The following GALNS variants were observed in gnomAD, a reference collection of about 807,000 sequenced individuals.
GALNS encodes the protein N-acetylgalactosamine-6-sulfatase.
A neutral mutation model predicts 65.9 loss-of-function variants in GALNS; 65 were observed. The observed-to-expected ratio is 0.99, with a 90% confidence interval of 0.81 to 1.21. The LOEUF (loss-of-function observed/expected upper bound fraction) is 1.21. Among genes scored for constraint, GALNS ranks in the 50% most tolerant of loss-of-function variants. The pLI, the probability that GALNS is intolerant of heterozygous loss-of-function variation, is 0.00. For synonymous variants in GALNS, 346 were observed against 288.9 expected, an observed-to-expected ratio of 1.20 and a Z score of -2.00; for missense variants, 776 against 700.7, an observed-to-expected ratio of 1.11 and a Z score of -1.21.
rs769096726 is a variant in GALNS, at chr16:88,832,005, G to T, written c.995C>A (p.Ala332Glu). 6.2e-7 allele frequency: 1 copy of T among 1,613,052 alleles called. No homozygotes were observed. Among genetic ancestry groups the T allele is most frequent in the Non-Finnish European group, 8.5e-7 (1 of 1,179,596 alleles). The change falls in exon 9 of 14, where the codon GCA becomes GAA. Residue 332 changes from alanine to glutamate, a missense_variant. By Grantham distance (107) the Ala-to-Glu change is moderately radical. Transcript: ENST00000268695. Reference sequence around the variant, plus strand: ...CGGTGGACGCTGACTCACCTGGCCTGCAGTGACGTGCCCTGGCCACCATGC... The same window carrying T: ...CGGTGGACGCTGACTCACCTGGCCTTCAGTGACGTGCCCTGGCCACCATGC... ...ALAWWPGHVT[A>E]GQVSHQLGSI...
intron 12 of GALNS, among the ~76,000 whole-genome samples, chr16:88,821,053 C>T (rs1225070470): frequency 6.6e-6 from 1 of 152,196 alleles, no homozygotes; most frequent in Non-Finnish European, 1.5e-5. Flanking sequence ...TCACGGGTCT[C>T]ACCCCCATGG....
Position 88,839,337 on chromosome 16 carries a change from C to T in GALNS, c.423-1572G>A, listed in dbSNP as rs145841615. ...GCCACAGGGGACACTCGTGCTTCCACGTCCGCAGCACAAAGGCCTTGCTCA... is the reference window on the plus strand; with the variant it reads ...GCCACAGGGGACACTCGTGCTTCCATGTCCGCAGCACAAAGGCCTTGCTCA... On this transcript the variant is annotated intron_variant, in intron 4 of 13. Transcript: ENST00000268695. 5.8e-3 allele frequency among the ~76,000 whole-genome samples: 879 copies of T among 152,306 alleles called. 9 individuals carry two copies. The highest frequency in any genetic ancestry group is 0.02 in the African/African-American group (821 of 41,522).
intron 13 of GALNS, chr16:88,815,086 TG>T (rs1370515081): frequency 1.0e-6 from 1 of 985,340 alleles, no homozygotes; most frequent in African/African-American, 1.7e-5. Context: ...CCCAACCAAT[TG>T]GCCTCAGTGT....
intron 1 of GALNS, among the ~76,000 whole-genome samples, chr16:88,847,671 C>G (rs955077174): frequency 2.0e-5 from 3 of 152,242 alleles, no homozygotes; most frequent in African/African-American, 7.2e-5. Flanking sequence ...GGACTAGAGT[C>G]TGATCGCTGA....
chr16:88,841,121 C>T (rs1395365495), intron 3 of GALNS, 27 bp from the exon 4 acceptor site: 18 of 1,583,062 alleles, frequency 1.1e-5, no homozygotes, highest in African/African-American at 5.4e-5. Context: ...GGGTGAGCCC[C>T]GAGGAGACCC....
At position 88,841,947 on chromosome 16, in the gene GALNS, C is replaced by T. The variant is rs754731091; in HGVS notation, c.269G>A (p.Arg90Gln). The change falls in exon 3 of 14, where the codon CGG becomes CAG. Residue 90 changes from arginine (R) to glutamine (Q), a missense_variant. By Grantham distance (43) the Arg-to-Gln change is conservative. Coordinates refer to ENST00000268695, the MANE Select transcript of GALNS (RefSeq NM_000512.5). ...GTAGAAGCCATTGCGGATGGGTAGC[C>T]GTCCTGTGAGCAGTGCCGCCCTCGC... ...SPSRAALLTG[R>Q]LPIRNGFYTT... is the part of the protein sequence containing the mutation. 1.1e-5 allele frequency: 18 copies of T among 1,613,334 alleles called. No individual in the cohort carries two copies. The highest frequency in any genetic ancestry group is 4.0e-5 in the African/African-American group (3 of 74,918).
intron 2 of GALNS, chr16:88,842,498 CT>C: frequency 1.6e-6 from 1 of 642,552 alleles, no homozygotes; most frequent in East Asian, 2.8e-5. Context: ...AACTTCGACC[CT>C]GAAAACCCAG....
chr16:88,833,390 A>G (rs1371485814), intron 8 of GALNS, among the ~76,000 whole-genome samples: 3 of 151,468 alleles, frequency 2.0e-5, no homozygotes, highest in Admixed American at 6.6e-5. Context: ...TCAGGCTCAC[A>G]GGAGGCCATG....
rs1377186614 is a variant in GALNS at position 88,842,808 on chromosome 16, C to T, written c.142G>A (p.Val48Met). 6.2e-7 allele frequency: 1 copy of T among 1,613,424 alleles called. No homozygotes were observed. Among genetic ancestry groups the T allele is most frequent in the Non-Finnish European group, 8.5e-7 (1 of 1,179,958 alleles). The change falls in exon 2 of 14, where the codon GTG (valine) becomes ATG (methionine). Residue 48 changes from valine to methionine, a missense_variant. Physicochemically the swap from Val to Met is conservative, Grantham distance 21 (BLOSUM62 1). Coordinates refer to ENST00000268695, the MANE Select transcript of GALNS (RefSeq NM_000512.5). ...GTCTCTCTGGAGGGCTCTCCATACA[C>T]CCCGAGGTCACCCCATCCCATCTGC... ...MDDMGWGDLG[V>M]YGEPSRETPN...
chr16:88,819,988 G>A (rs1321085589), intron 12 of GALNS, among the ~76,000 whole-genome samples: 23 of 152,044 alleles, frequency 1.5e-4, no homozygotes, highest in African/African-American at 3.9e-4. Context: ...CACTGTGCCC[G>A]GCCTTAATTT....
At chr16:88,822,534 TGG>T in intron 12 of GALNS, 53 bp downstream of exon 12, 3 of 1,607,990 alleles carry the variant, frequency 1.9e-6, no homozygotes, top group Non-Finnish European at 2.5e-6. Context: ...AGCCTGCATT[TGG>T]GGGAGTCCGG....
At chr16:88,817,267 G>A in intron 13 of GALNS, 1 of 985,454 alleles carries the variant, frequency 1.0e-6, no homozygotes, top group Non-Finnish European at 1.2e-6. Context: ...CGCATCCTTT[G>A]TGGCCTGAAC....
chr16:88,846,167 A>G (rs1967233445), intron 1 of GALNS, among the ~76,000 whole-genome samples: 1 of 152,224 alleles, frequency 6.6e-6, no homozygotes, highest in African/African-American at 2.4e-5. Flanking sequence ...GTGGAGCTGT[A>G]TCCCCAAAAG....
In GALNS at chr16:88,855,075, A is replaced by G. The variant is rs562748455; in HGVS notation, c.120+1683T>C. The G allele has an allele frequency of 2.5e-3, 1,038 of 420,542 alleles. 1 individual carries two copies. Among genetic ancestry groups the G allele is most frequent in the Middle Eastern group, 4.8e-3 (7 of 1,446 alleles). 26.1% of individuals were successfully genotyped at this position (420,542 alleles called of 1,614,324 possible). A position where few individuals can be genotyped will look rare whatever the true frequency, so the allele number is the denominator to read the frequency against. On this transcript the variant is annotated intron_variant, in intron 1 of 13. Transcript: ENST00000268695. The stretch of plus-strand genomic sequence containing the variant: ...CTATGGAAACGTAGGGTGAGTCCAC[A>G]TGCAATTCCCTATTTACCGGGAGCC...
In GALNS at chr16:88,836,194, C is replaced by T; in HGVS notation, c.633+7G>A. On this transcript the variant is annotated splice_region_variant and intron_variant, in intron 6 of 13. Coordinates refer to ENST00000268695, the MANE Select transcript of GALNS (RefSeq NM_000512.5). ...CCACAGGGCGAGGATGGTGCGGTCC[C>T]CATCACCTGCAGGTAGATCTGGGTG... is the stretch of plus-strand genomic sequence containing the variant. 6.2e-7 allele frequency: 1 copy of T among 1,612,606 alleles called. No individual in the cohort carries two copies. The highest frequency in any genetic ancestry group is 8.5e-7 in the Non-Finnish European group (1 of 1,179,042).
At position 88,814,001 on chromosome 16, in the gene GALNS, G is replaced by A. The variant is rs1287849072; in HGVS notation, c.*438C>T. The A allele has an allele frequency of 7.3e-6, 2 of 273,330 alleles. No individual in the cohort carries two copies. The highest frequency in any genetic ancestry group is 2.2e-5 in the African/African-American group (1 of 45,826). The allele number at this position is 273,330 out of a possible 1,614,324, so 16.9% of individuals were successfully genotyped here. A position where few individuals can be genotyped will look rare whatever the true frequency, so the allele number is the denominator to read the frequency against. On this transcript the variant is annotated 3_prime_UTR_variant, in exon 14 of 14. Coordinates refer to ENST00000268695, the MANE Select transcript of GALNS (RefSeq NM_000512.5). Reference sequence around the variant, plus strand: ...TCAGTGGAAGGCTGACTGAACCAATGTACGCCATACACATACTGATCTTGT... The same window carrying A: ...TCAGTGGAAGGCTGACTGAACCAATATACGCCATACACATACTGATCTTGT...
intron 8 of GALNS, 61 bp downstream of exon 8, chr16:88,835,152 G>A (rs1597567730): frequency 6.5e-7 from 1 of 1,549,380 alleles, no homozygotes; most frequent in South Asian, 1.2e-5. Context: ...AGCCGGTCCA[G>A]GCACTCTTCG....
chr16:88,833,121 G>GA (rs1300413840), intron 8 of GALNS, among the ~76,000 whole-genome samples: 1 of 149,890 alleles, frequency 6.7e-6, no homozygotes, highest in Admixed American at 6.6e-5. Context: ...TTCCGGCAGT[G>GA]AAAAAGTGAA....
At chr16:88,855,884 A>C in intron 1 of GALNS, 2 of 512,632 alleles carry the variant, frequency 3.9e-6, no homozygotes, top group Non-Finnish European at 7.0e-6. Flanking sequence ...CGACGGCCCA[A>C]AACTGTCTGG....
Sources: allele counts gnomAD v4.1 joint callset (sites outside exome capture counted in the v4.1 genomes callset), GRCh38; gene constraint gnomAD v4.1.1; transcripts MANE v1.5; gene names NCBI Gene and HGNC (gene_info 2026-07-23, HGNC 2026-07-21).